The following GRAMD4 variants were observed in gnomAD, a reference collection of about 807,000 sequenced individuals.
GRAMD4 encodes the protein GRAM domain-containing protein 4.
GRAMD4 carries 25 observed loss-of-function variants against 83.9 expected under a neutral mutation model. The observed-to-expected ratio is 0.30, with a 90% CI of 0.22 to 0.42. The LOEUF (loss-of-function observed/expected upper bound fraction) is 0.42. Ranked by LOEUF, GRAMD4 falls within the 10% of genes least tolerant of loss-of-function variation. The pLI is 1.00. For missense variants in GRAMD4, 593 were observed against 788.7 expected, an observed-to-expected ratio of 0.75 and a Z score of 2.97; for synonymous variants, 336 against 320.9, an observed-to-expected ratio of 1.05 and a Z score of -0.50.
chr22:46,648,557 A>T (rs920023195), intron 3 of GRAMD4, among the ~76,000 whole-genome samples: 1 of 151,064 alleles, frequency 6.6e-6, no homozygotes, highest in African/African-American at 2.4e-5. Flanking sequence ...GGATGGTTAG[A>T]TGGGTGGGTG....
At chr22:46,673,555 A>G in intron 14 of GRAMD4, 115 bp from the exon 15 acceptor site, 3 of 1,307,132 alleles carry the variant, frequency 2.3e-6, no homozygotes, top group South Asian at 2.7e-5. Flanking sequence ...GGACCTCGGG[A>G]ACGTCTTCCC....
At chr22:46,644,325 G>A (rs1327730632) in intron 3 of GRAMD4, among the ~76,000 whole-genome samples, 2 of 150,352 alleles carry the variant, frequency 1.3e-5, no homozygotes, top group Non-Finnish European at 3.0e-5. Flanking sequence ...CCCCTGTTCC[G>A]TGTTACACCT....
intron 1 of GRAMD4, among the ~76,000 whole-genome samples, chr22:46,602,699 T>C (rs1162353140): frequency 6.6e-6 from 1 of 151,848 alleles, no homozygotes; most frequent in East Asian, 1.9e-4. Context: ...TAAGTGAAGG[T>C]TAATCATCTT....
intron 2 of GRAMD4, among the ~76,000 whole-genome samples, chr22:46,635,803 C>CTGACCACT (rs2081877050): frequency 7.7e-6 from 1 of 129,098 alleles, no homozygotes; most frequent in Admixed American, 8.9e-5. Context: ...CCCCCCACCC[C>CTGACCACT]CCCGGCCACT....
chr22:46,666,889 G>A lies in GRAMD4; in HGVS notation c.858+16G>A. The A allele has an allele frequency of 1.3e-6, 2 of 1,547,402 alleles. No homozygotes were observed. The highest frequency in any genetic ancestry group is 1.8e-6 in the Non-Finnish European group (2 of 1,140,944). On this transcript the variant is annotated intron_variant, in intron 10 of 18. Coordinates refer to ENST00000406902, the MANE Select transcript of GRAMD4 (RefSeq NM_015124.5). The stretch of plus-strand genomic sequence containing the variant: ...TGAGCCCGTGGTAAGTCCCTGGAGG[G>A]TGCACGGTCTCCTCCGACTGTCTCC...
At chr22:46,648,847 CATGGATGG>C (rs2082118901) in intron 3 of GRAMD4, among the ~76,000 whole-genome samples, 3 of 17,062 alleles carry the variant, frequency 1.8e-4, no homozygotes, top group Non-Finnish European at 2.5e-4. Context: ...TGGATGGATG[CATGGATGG>C]ATGGATGCAT....
chr22:46,680,028 G>A (rs1488758781), downstream of GRAMD4, among the ~76,000 whole-genome samples: 2 of 152,254 alleles, frequency 1.3e-5, no homozygotes, highest in Non-Finnish European at 2.9e-5. Flanking sequence ...AGGGGGCAGG[G>A]CCTGAGTTCC....
rs112325208 is a variant in GRAMD4 at position 46,609,407 on chromosome 22, C to T, written c.-49-17344C>T. Among the ~76,000 whole-genome samples, 1,208 of 152,336 alleles carry T rather than the reference C, an allele frequency of 7.9e-3. 18 individuals are homozygous for T. The highest frequency in any genetic ancestry group is 0.028 in the African/African-American group (1,167 of 41,576). ...TGTGGGAGAGTCTTGGTAGGCCTGG[C>T]GGAGCCCTTTGACCTCAGCTGGGCC... On this transcript the variant is annotated intron_variant, in intron 1 of 1. Transcript: ENST00000431155.
Position 46,589,090 on chromosome 22 carries a change from G to A in GRAMD4, c.-50+11800G>A, listed in dbSNP as rs188721482. 1.4e-3 allele frequency among the ~76,000 whole-genome samples: 208 copies of A among 152,134 alleles called. 1 individual carries two copies. The highest frequency in any genetic ancestry group is 6.8e-3 in the Middle Eastern group (2 of 294). On this transcript the variant is annotated intron_variant, in intron 1 of 1. Coordinates refer to the GRAMD4 transcript ENST00000431155. Reference sequence around the variant, plus strand: ...GGGAGAAGCAGGGACGGCAGGGGGCGGGGGGACCTGGATGGGCGACACTCC... The same window carrying A: ...GGGAGAAGCAGGGACGGCAGGGGGCAGGGGGACCTGGATGGGCGACACTCC...
intron 1 of GRAMD4, chr22:46,577,301 C>T (rs1265319198): frequency 7.1e-6 from 7 of 980,226 alleles, no homozygotes; most frequent in East Asian, 2.3e-4. Context: ...GTAAGCGGCG[C>T]GCGCGGACAC....
At chr22:46,625,890 CGT>C (rs1569269291) in intron 1 of GRAMD4, among the ~76,000 whole-genome samples, 1 of 152,228 alleles carries the variant, frequency 6.6e-6, no homozygotes. Context: ...GTGAATTACG[CGT>C]GTCCTGATGC....
chr22:46,643,232 C>T (rs1373662368), intron 3 of GRAMD4, among the ~76,000 whole-genome samples: 1 of 148,160 alleles, frequency 6.7e-6, no homozygotes, highest in African/African-American at 2.5e-5. Flanking sequence ...TCCCTGGATC[C>T]ATCCATCTAT....
At position 46,591,832 on chromosome 22, in the gene GRAMD4, C is replaced by A. The variant is rs75653314; in HGVS notation, c.-50+14542C>A. Among the ~76,000 whole-genome samples, 321 of 37,362 alleles carry A rather than the reference C, an allele frequency of 8.6e-3. 1 individual carries two copies. Among genetic ancestry groups the A allele is most frequent in the East Asian group, 0.017 (18 of 1,078 alleles). 24.5% of individuals were successfully genotyped at this position (37,362 alleles called of 152,430 possible). ...TGGGTGACAGAGCGAGACTCTGTCT[C>A]AAAAAAAAAAAAAAAAAAAACCCAG... On this transcript the variant is annotated intron_variant, in intron 1 of 1. Transcript: ENST00000431155.
At chr22:46,632,985 C>G (rs1267308144) in intron 2 of GRAMD4, among the ~76,000 whole-genome samples, 1 of 152,206 alleles carries the variant, frequency 6.6e-6, no homozygotes, top group Non-Finnish European at 1.5e-5. Flanking sequence ...CAGCCCCCCG[C>G]CCGGTGGGGA....
In GRAMD4 at chr22:46,591,285, G is replaced by GGC; in HGVS notation, c.-50+13995_-50+13996insGC. 3.3e-5 allele frequency among the ~76,000 whole-genome samples: 5 copies of GGC among 152,306 alleles called. No homozygotes were observed. The South Asian group carries it at 6.2e-4, about 19-fold the overall frequency. On this transcript the variant is annotated intron_variant, in intron 1 of 1. Transcript: ENST00000431155. ...TAGTCCCAGCACTTTGAGAGGCTGA[G>GGC]AGGGGGAGGATTGCGTGAGCTCAGG...
chr22:46,618,556 C>A (rs2081533246), upstream of GRAMD4, among the ~76,000 whole-genome samples: 2 of 152,122 alleles, frequency 1.3e-5, no homozygotes, highest in African/African-American at 4.8e-5. The surrounding 1 kb of genome is among the most constrained non-coding windows in gnomAD (Gnocchi z 5.8). Flanking sequence ...GGGGGAGCAG[C>A]CGTGTTGACC....
upstream of GRAMD4, among the ~76,000 whole-genome samples, chr22:46,576,933 CTGG>C (rs2081047044): frequency 2.3e-4 from 33 of 145,894 alleles, no homozygotes; most frequent in Admixed American, 2.2e-3. Context: ...CGTGACCGAG[CTGG>C]CGCACGCGGA....
At chr22:46,642,964 T>TATCCATCC (rs753919146) in intron 3 of GRAMD4, among the ~76,000 whole-genome samples, 16 of 136,268 alleles carry the variant, frequency 1.2e-4, no homozygotes, top group Middle Eastern at 9.4e-3. Context: ...CGCATGCATC[T>TATCCATCC]ATCCATCCAT....
Position 46,588,361 on chromosome 22 carries a change from C to T in GRAMD4, c.-50+11071C>T, listed in dbSNP as rs2081171937. ...GTCCGTCTTCCATCCCTCCAGGCAG[C>T]ACCACGCAAGGGCAGGGAGGTGGCA... is the stretch of plus-strand genomic sequence containing the variant. On this transcript the variant is annotated intron_variant, in intron 1 of 1. Transcript: ENST00000431155. Among the ~76,000 whole-genome samples, 3 of 152,302 alleles carry T rather than the reference C, an allele frequency of 2.0e-5. No homozygotes were observed. In the South Asian group the frequency reaches 6.2e-4, roughly 32 times the overall value.
Sources: gnomAD v4.1 joint callset for allele counts (sites outside exome capture counted in the v4.1 genomes callset) on GRCh38, gnomAD v4.1.1 for gene constraint, Gnocchi (gnomAD v3.1) non-coding constraint, MANE v1.5 for transcripts, NCBI Gene and HGNC (gene_info 2026-07-23, HGNC 2026-07-21) for gene names.